Variants in MITF observed in about 807,000 individuals in gnomAD.
MITF encodes melanocyte inducing transcription factor, also known as microphthalmia-associated transcription factor.
MITF carries 17 observed loss-of-function variants against 60.5 expected under a neutral mutation model. That is an observed-to-expected ratio of 0.28 (90% CI 0.19 to 0.42). The LOEUF is 0.42. MITF is among the 10% of genes least tolerant of loss of function. MITF has a pLI of 1.00. For synonymous variants in MITF, 260 were observed against 248.5 expected, an observed-to-expected ratio of 1.05 and a Z score of -0.43; for missense variants, 622 against 683.5, an observed-to-expected ratio of 0.91 and a Z score of 1.00.
chr3:69,915,460 A>G (rs986550764), intron 2 of MITF, among the ~76,000 whole-genome samples: 1 of 151,826 alleles, frequency 6.6e-6, no homozygotes. Context: ...TTAATGAATG[A>G]TATTGCCACT....
chr3:69,794,887 T>C (rs1460870816), intron 1 of MITF, among the ~76,000 whole-genome samples: 10 of 152,254 alleles, frequency 6.6e-5, no homozygotes, highest in Admixed American at 5.9e-4. Flanking sequence ...CTAGCTTTTT[T>C]AGTCTAACAG....
chr3:69,853,622 C>T (rs1192978127), intron 1 of MITF, among the ~76,000 whole-genome samples: 1 of 152,102 alleles, frequency 6.6e-6, no homozygotes, highest in Non-Finnish European at 1.5e-5. Context: ...AGTTAACCAT[C>T]ATCCTTTTTG....
chr3:69,863,590 AGATTTTCCC>A (rs1358378905), intron 1 of MITF, among the ~76,000 whole-genome samples: 3 of 152,222 alleles, frequency 2.0e-5, no homozygotes, highest in Admixed American at 2.0e-4. Context: ...TGGAGGGTAC[AGATTTTCCC>A]TGTGTGTGAG....
intron 2 of MITF, among the ~76,000 whole-genome samples, chr3:69,916,879 C>A (rs1328388797): frequency 1.3e-5 from 2 of 152,144 alleles, no homozygotes; most frequent in African/African-American, 4.8e-5. Flanking sequence ...ATAAAATAAA[C>A]ACATCATGGT....
chr3:69,946,575 G>A (rs2066101893), intron 5 of MITF, among the ~76,000 whole-genome samples: 1 of 152,046 alleles, frequency 6.6e-6, no homozygotes, highest in South Asian at 2.1e-4. Flanking sequence ...TTTTAATTCT[G>A]TGCTTGGCCC....
chr3:69,740,226 C>T (rs1290326139), intron 1 of MITF, among the ~76,000 whole-genome samples: 2 of 152,090 alleles, frequency 1.3e-5, no homozygotes. Flanking sequence ...GGAAACTAGC[C>T]TCTGGGCTCC....
chr3:69,769,823 G>A (rs1272980549), intron 1 of MITF: 2 of 152,128 alleles, frequency 1.3e-5, no homozygotes, highest in African/African-American at 4.8e-5. Context: ...TGAATTTGGG[G>A]CAGAGTTGCC....
At chr3:69,812,613 G>T (rs1422405063) in intron 1 of MITF, among the ~76,000 whole-genome samples, 1 of 152,080 alleles carries the variant, frequency 6.6e-6, no homozygotes, top group African/African-American at 2.4e-5. Flanking sequence ...TGCCTCAGTT[G>T]TCTCAGTTTT....
intron 2 of MITF, among the ~76,000 whole-genome samples, chr3:69,914,182 T>G (rs895084587): frequency 1.1e-4 from 16 of 152,132 alleles, no homozygotes; most frequent in African/African-American, 3.6e-4. Context: ...AGTACAATGG[T>G]GTGATCTTGG....
At chr3:69,888,738 A>T (rs943619697) in intron 2 of MITF, among the ~76,000 whole-genome samples, 2 of 152,086 alleles carry the variant, frequency 1.3e-5, no homozygotes, top group Non-Finnish European at 2.9e-5. Context: ...CAGCGATGGA[A>T]ATGCGCCCTC....
At chr3:69,914,696 A>G (rs1641249833) in intron 2 of MITF, among the ~76,000 whole-genome samples, 1 of 152,120 alleles carries the variant, frequency 6.6e-6, no homozygotes, top group African/African-American at 2.4e-5. Flanking sequence ...GTGATTGCCA[A>G]GGGCTGGGTA....
intron 2 of MITF, among the ~76,000 whole-genome samples, chr3:69,911,258 T>C (rs1212263828): frequency 6.6e-6 from 1 of 152,182 alleles, no homozygotes; most frequent in Non-Finnish European, 1.5e-5. Context: ...GTAAGTCCAA[T>C]TAAACCTCTT....
At chr3:69,794,933 A>G (rs2062804095) in intron 1 of MITF, among the ~76,000 whole-genome samples, 1 of 152,238 alleles carries the variant, frequency 6.6e-6, no homozygotes, top group Admixed American at 6.5e-5. Context: ...GACATGTAAC[A>G]GTAGTTTGTA....
chr3:69,791,153 A>G (rs1388884775), intron 1 of MITF, among the ~76,000 whole-genome samples: 1 of 152,154 alleles, frequency 6.6e-6, no homozygotes, highest in Non-Finnish European at 1.5e-5. Context: ...CTAAATATAG[A>G]TGTGTTAAAT....
intron 2 of MITF, among the ~76,000 whole-genome samples, chr3:69,910,387 G>T (rs887124990): frequency 1.3e-5 from 2 of 152,180 alleles, no homozygotes; most frequent in African/African-American, 2.4e-5. Context: ...TGGGGTTGGA[G>T]CCCCCACATA....
At chr3:69,799,816 A>G (rs1287124300) in intron 1 of MITF, among the ~76,000 whole-genome samples, 1 of 152,120 alleles carries the variant, frequency 6.6e-6, no homozygotes, top group African/African-American at 2.4e-5. Context: ...TGAAGAGAGC[A>G]GGGGGGTTTT....
intron 2 of MITF, among the ~76,000 whole-genome samples, chr3:69,905,943 A>G (rs1325157483): frequency 6.6e-6 from 1 of 152,064 alleles, no homozygotes. Flanking sequence ...CATTCTATTA[A>G]TAGTGTCTTT....
chr3:69,951,771 C>G (rs2066261737), intron 6 of MITF, 41 bp from the exon 7 acceptor site: 1 of 1,518,842 alleles, frequency 6.6e-7, no homozygotes, highest in Non-Finnish European at 9.1e-7. Flanking sequence ...TGTGCAACTT[C>G]AAACAGTTCC....
chr3:69,959,150 C>G (rs2066476126), intron 8 of MITF, 123 bp from the exon 9 acceptor site: 1 of 1,211,630 alleles, frequency 8.3e-7, no homozygotes, highest in African/African-American at 1.6e-5. Context: ...ACCTGTTCCC[C>G]CAAAACTATT....
Sources: gnomAD v4.1 joint callset for allele counts (sites outside exome capture counted in the v4.1 genomes callset) on GRCh38, gnomAD v4.1.1 for gene constraint, MANE v1.5 for transcripts, NCBI Gene and HGNC (gene_info 2026-07-23, HGNC 2026-07-21) for gene names.